The following GRIP1 variants were observed in gnomAD, a reference collection of about 807,000 sequenced individuals.
The protein encoded by GRIP1 is glutamate receptor interacting protein 1, also known as glutamate receptor-interacting protein 1.
In GRIP1, 45 loss-of-function variants were observed where a neutral mutation model predicts 129.9. The observed-to-expected ratio is 0.35, with a 90% CI of 0.27 to 0.44. The LOEUF (loss-of-function observed/expected upper bound fraction) is 0.44. GRIP1 is among the 20% of genes least tolerant of loss of function. The pLI is 1.00. For synonymous variants in GRIP1, 530 were observed against 520.8 expected, an observed-to-expected ratio of 1.02 and a Z score of -0.24; for missense variants, 1,196 against 1,396.8, an observed-to-expected ratio of 0.86 and a Z score of 2.29.
intron 7 of GRIP1, among the ~76,000 whole-genome samples, chr12:66,480,875 C>T (rs1230562055): frequency 2.0e-5 from 3 of 152,178 alleles, no homozygotes; most frequent in Admixed American, 6.5e-5. Context: ...AAAACTGAAA[C>T]TGGACCCCTT....
chr12:66,485,442 T>G (rs1372345281), intron 7 of GRIP1, among the ~76,000 whole-genome samples: 1 of 151,224 alleles, frequency 6.6e-6, no homozygotes, highest in Non-Finnish European at 1.5e-5. Flanking sequence ...AAAATAGTTT[T>G]AAAAACTAAA....
At chr12:66,417,946 T>C (rs2057667739) in intron 15 of GRIP1, among the ~76,000 whole-genome samples, 1 of 152,084 alleles carries the variant, frequency 6.6e-6, no homozygotes, top group Non-Finnish European at 1.5e-5. Context: ...ATCCTAAAAT[T>C]TATACTGAAC....
chr12:66,866,754 C>CCA (rs1333775526), intron 1 of GRIP1, among the ~76,000 whole-genome samples: 6 of 151,922 alleles, frequency 3.9e-5, no homozygotes, highest in Non-Finnish European at 4.4e-5. Context: ...TACTATATAG[C>CCA]CACAAAAATT....
intron 1 of GRIP1, among the ~76,000 whole-genome samples, chr12:66,825,360 CAA>C (rs983805664): frequency 4.6e-5 from 7 of 152,156 alleles, no homozygotes; most frequent in Non-Finnish European, 7.4e-5. Flanking sequence ...AGGTTAAATA[CAA>C]AGTCTGCCAA....
chr12:66,659,916 G>A (rs1027380966), intron 1 of GRIP1, among the ~76,000 whole-genome samples: 1 of 152,074 alleles, frequency 6.6e-6, no homozygotes, highest in African/African-American at 2.4e-5. Context: ...CTCCCAAAAC[G>A]CATAGAGTTA....
chr12:67,019,370 G>T (rs756326876), intron 1 of GRIP1, among the ~76,000 whole-genome samples: 1 of 152,210 alleles, frequency 6.6e-6, no homozygotes, highest in Non-Finnish European at 1.5e-5. Context: ...CTTGGGAGCT[G>T]TAGGTGCACA....
At chr12:67,023,068 T>C (rs1375864072) in intron 1 of GRIP1, among the ~76,000 whole-genome samples, 3 of 152,322 alleles carry the variant, frequency 2.0e-5, no homozygotes, top group African/African-American at 7.2e-5. Context: ...ATCAGATATA[T>C]GTTTCACAAT....
intron 1 of GRIP1, among the ~76,000 whole-genome samples, chr12:66,877,365 G>T (rs2137176478): frequency 6.6e-6 from 1 of 152,102 alleles, no homozygotes; most frequent in South Asian, 2.1e-4. Context: ...TGTTGATATT[G>T]TTGGTAAAAT....
intron 1 of GRIP1, among the ~76,000 whole-genome samples, chr12:66,663,196 T>C (rs1303114071): frequency 6.6e-6 from 1 of 152,210 alleles, no homozygotes; most frequent in Non-Finnish European, 1.5e-5. Flanking sequence ...TATTAATTAT[T>C]GTCATAAAGA....
chr12:66,379,532 G>A, intron 19 of GRIP1, 96 bp from the exon 20 acceptor site: 2 of 1,194,542 alleles, frequency 1.7e-6, no homozygotes, highest in African/African-American at 1.5e-5. Context: ...AATTATAACG[G>A]CAATGACAAT....
At chr12:66,732,044 A>G (rs976333574) in intron 1 of GRIP1, among the ~76,000 whole-genome samples, 3 of 152,322 alleles carry the variant, frequency 2.0e-5, no homozygotes, top group Middle Eastern at 3.4e-3. Context: ...ATGCCTCTAT[A>G]TCAAATACAA....
At chr12:66,934,672 G>T (rs1172697297) in intron 1 of GRIP1, among the ~76,000 whole-genome samples, 1 of 152,144 alleles carries the variant, frequency 6.6e-6, no homozygotes, top group African/African-American at 2.4e-5. Flanking sequence ...GTCTACCATG[G>T]AATATTTAAC....
intron 1 of GRIP1, among the ~76,000 whole-genome samples, chr12:66,757,692 T>C (rs185893149): frequency 1.3e-5 from 2 of 152,342 alleles, no homozygotes; most frequent in South Asian, 2.1e-4. Flanking sequence ...ATAGTGGTTG[T>C]ACTAATTCAT....
At chr12:66,771,334 C>T (rs2037811231) in intron 1 of GRIP1, among the ~76,000 whole-genome samples, 1 of 152,100 alleles carries the variant, frequency 6.6e-6, no homozygotes, top group African/African-American at 2.4e-5. Context: ...TAATACAATG[C>T]ACCATTAAGT....
chr12:66,523,303 G>A (rs1470688008), intron 5 of GRIP1, among the ~76,000 whole-genome samples: 1 of 149,768 alleles, frequency 6.7e-6, no homozygotes, highest in Non-Finnish European at 1.5e-5. Flanking sequence ...CCCACAAAGG[G>A]AAGCCCATCA....
At chr12:66,436,974 CAA>C (rs71069003) in intron 13 of GRIP1, among the ~76,000 whole-genome samples, 198 of 113,538 alleles carry the variant, frequency 1.7e-3, no homozygotes, top group African/African-American at 5.8e-3. Context: ...ACTCTGTCTC[CAA>C]AAAAAAAAAA....
At chr12:66,513,879 T>C (rs571480616) in intron 7 of GRIP1, among the ~76,000 whole-genome samples, 1 of 152,266 alleles carries the variant, frequency 6.6e-6, no homozygotes, top group Non-Finnish European at 1.5e-5. Flanking sequence ...GGCTCTTCCC[T>C]AAAATGGTAT....
intron 1 of GRIP1, among the ~76,000 whole-genome samples, chr12:66,684,982 T>C (rs10732752): frequency 0.77 from 117,675 of 152,152 alleles, 45,787 homozygotes; most frequent in East Asian, 0.82. Context: ...TCCATTTCCT[T>C]CCCAGTAGGA....
At chr12:66,556,603 T>A (rs992524618) in intron 2 of GRIP1, among the ~76,000 whole-genome samples, 1 of 151,400 alleles carries the variant, frequency 6.6e-6, no homozygotes, top group African/African-American at 2.4e-5. Context: ...ATAATAACTA[T>A]GACAACTTTT....
Sources: allele counts gnomAD v4.1 joint callset (sites outside exome capture counted in the v4.1 genomes callset), GRCh38; gene constraint gnomAD v4.1.1; transcripts MANE v1.5; gene names NCBI Gene and HGNC (gene_info 2026-07-23, HGNC 2026-07-21).